The following RNF217 variants were observed in gnomAD, a reference collection of about 807,000 sequenced individuals.
RNF217 encodes the protein ring finger protein 217.
In RNF217, 31 loss-of-function variants were observed where a neutral mutation model predicts 57.8. That is an observed-to-expected ratio of 0.54 (90% confidence interval 0.40 to 0.72). RNF217 has a LOEUF of 0.72. Ranked by LOEUF, RNF217 falls within the 30% of genes least tolerant of loss-of-function variation. The pLI is 0.00. For synonymous variants in RNF217, 313 were observed against 294.0 expected, an observed-to-expected ratio of 1.06 and a Z score of -0.66; for missense variants, 696 against 708.3, an observed-to-expected ratio of 0.98 and a Z score of 0.20.
At chr6:125,010,704 G>T (rs1361439260) in intron 1 of RNF217, among the ~76,000 whole-genome samples, 1 of 152,052 alleles carries the variant, frequency 6.6e-6, no homozygotes, top group African/African-American at 2.4e-5. Flanking sequence ...TTACAGAAAG[G>T]GTACTTTTTT....
intron 1 of RNF217, among the ~76,000 whole-genome samples, chr6:124,973,803 T>C (rs1471517781): frequency 1.3e-5 from 2 of 152,278 alleles, no homozygotes; most frequent in Admixed American, 1.3e-4. Flanking sequence ...AACAGATTCT[T>C]CCAGAACCTA....
Position 125,084,670 on chromosome 6 carries a change from A to C in RNF217, c.*1733A>C, listed in dbSNP as rs1306595356. ...CATGCTTTCATTCTTTCTGAATAACACAGAATAACTGTGCTACAGCTTCTG... is the reference window on the plus strand; with the variant it reads ...CATGCTTTCATTCTTTCTGAATAACCCAGAATAACTGTGCTACAGCTTCTG... On this transcript the variant is annotated 3_prime_UTR_variant, in exon 6 of 6. Coordinates refer to ENST00000521654, the MANE Select transcript of RNF217 (RefSeq NM_001286398.3). 1.3e-5 allele frequency: 2 copies of C among 152,040 alleles called. No individual in the cohort carries two copies. Among genetic ancestry groups the C allele is most frequent in the African/African-American group, 4.8e-5 (2 of 41,446 alleles). The allele number at this position is 152,040 out of a possible 1,614,324, so 9.4% of individuals were successfully genotyped here. A position where few individuals can be genotyped will look rare whatever the true frequency, so the allele number is the denominator to read the frequency against.
intron 2 of RNF217, among the ~76,000 whole-genome samples, chr6:125,055,925 A>C (rs1451034145): frequency 6.6e-6 from 1 of 152,166 alleles, no homozygotes; most frequent in African/African-American, 2.4e-5. Flanking sequence ...TTTAATTGTA[A>C]TGATCAAAAA....
intron 3 of RNF217, among the ~76,000 whole-genome samples, chr6:125,067,020 C>A (rs561365): frequency 0.061 from 9,280 of 152,016 alleles, 935 homozygotes; most frequent in African/African-American, 0.21. Flanking sequence ...GGGTTCATGG[C>A]GAAAGGACTC....
chr6:125,074,955 A>G (rs1314712731), intron 3 of RNF217, among the ~76,000 whole-genome samples: 11 of 152,158 alleles, frequency 7.2e-5, no homozygotes, highest in Admixed American at 7.2e-4. Flanking sequence ...CACTAGTCAA[A>G]ATGGTATCAG....
chr6:125,010,493 T>G (rs1244010288), intron 1 of RNF217, among the ~76,000 whole-genome samples: 1 of 152,202 alleles, frequency 6.6e-6, no homozygotes, highest in Non-Finnish European at 1.5e-5. Flanking sequence ...GTTTGGCAGA[T>G]TTGGATGTCT....
At chr6:125,010,813 G>T (rs556059167) in intron 1 of RNF217, among the ~76,000 whole-genome samples, 9 of 152,288 alleles carry the variant, frequency 5.9e-5, no homozygotes, top group African/African-American at 2.2e-4. Context: ...GTGCCTGGGT[G>T]TAGCAGAGAG....
At chr6:125,042,493 T>C (rs550862184) in intron 1 of RNF217, among the ~76,000 whole-genome samples, 1 of 152,110 alleles carries the variant, frequency 6.6e-6, no homozygotes, top group South Asian at 2.1e-4. Context: ...TTCAGTGTAG[T>C]AGGATAGGGA....
chr6:124,998,285 T>A (rs1039814669), intron 1 of RNF217, among the ~76,000 whole-genome samples: 1 of 152,174 alleles, frequency 6.6e-6, no homozygotes, highest in Non-Finnish European at 1.5e-5. Flanking sequence ...TTGCCTTTTT[T>A]CTTCCCTCAG....
Sources: allele counts gnomAD v4.1 joint callset (sites outside exome capture counted in the v4.1 genomes callset), GRCh38; gene constraint gnomAD v4.1.1; transcripts MANE v1.5; gene names NCBI Gene and HGNC (gene_info 2026-07-23, HGNC 2026-07-21).